Variants in STAC observed in about 807,000 individuals in gnomAD.
STAC encodes the protein SH3 and cysteine rich domain, also known as SH3 and cysteine-rich domain-containing protein.
In STAC, 43 loss-of-function variants were observed where a neutral mutation model predicts 48.8. That is an observed-to-expected ratio of 0.88 (90% confidence interval 0.69 to 1.14). The LOEUF is 1.14. Ranked by LOEUF, STAC falls within the 50% of genes most tolerant of loss-of-function variation. The probability of loss-of-function intolerance (pLI) is 0.00; values close to 1 mark genes in which losing one functional copy is unlikely to be tolerated. For synonymous variants in STAC, 193 were observed against 179.5 expected (o/e 1.07, Z -0.60); for missense variants, 497 against 504.0 (o/e 0.99, Z 0.13).
At chr3:36,497,212 G>A (rs1159981294) in intron 6 of STAC, among the ~76,000 whole-genome samples, 4 of 152,188 alleles carry the variant, frequency 2.6e-5, no homozygotes, top group Non-Finnish European at 5.9e-5. Context: ...TTTGTGGTAT[G>A]TTTCTGCAAC....
rs968122985 is a variant in STAC, at chr3:36,536,635, C to T, written c.1110+7650C>T. On this transcript the variant is annotated intron_variant, in intron 10 of 10. Coordinates refer to ENST00000273183, the MANE Select transcript of STAC (RefSeq NM_003149.3). ...ATAGGCACAGGCAAAGACTTCCTGACGAAAACATCAAAAGCAATTGCAACA... is the reference window on the plus strand; with the variant it reads ...ATAGGCACAGGCAAAGACTTCCTGATGAAAACATCAAAAGCAATTGCAACA... 5.9e-5 allele frequency among the ~76,000 whole-genome samples: 9 copies of T among 151,876 alleles called. No individual in the cohort carries two copies. The East Asian group carries it at 7.7e-4, about 13-fold the overall frequency.
intron 2 of STAC, among the ~76,000 whole-genome samples, chr3:36,448,760 AAG>A (rs1371560484): frequency 6.6e-6 from 1 of 152,048 alleles, no homozygotes; most frequent in East Asian, 1.9e-4. Context: ...AAACACTAAA[AAG>A]AGGAGTTTCT....
At chr3:36,401,605 AC>A (rs1700000323) in intron 1 of STAC, among the ~76,000 whole-genome samples, 1 of 152,174 alleles carries the variant, frequency 6.6e-6, no homozygotes, top group African/African-American at 2.4e-5. Context: ...GCACCTGGGA[AC>A]CTGCTTCCTC....
intron 3 of STAC, among the ~76,000 whole-genome samples, chr3:36,483,488 G>A (rs1697711756): frequency 6.6e-6 from 1 of 152,100 alleles, no homozygotes; most frequent in African/African-American, 2.4e-5. Flanking sequence ...TCAGCTCAGT[G>A]GGTAGCAAGA....
chr3:36,453,626 A>AGGAGGCTAGGG (rs1553636173), intron 2 of STAC, among the ~76,000 whole-genome samples: 3 of 99,312 alleles, frequency 3.0e-5, no homozygotes, highest in South Asian at 2.7e-4. Context: ...CTCCCTGACG[A>AGGAGGCTAGGG]GCGCCGCCCC....
chr3:36,413,771 A>G (rs148541794), intron 1 of STAC, among the ~76,000 whole-genome samples: 3,522 of 152,250 alleles, frequency 0.023, 58 homozygotes, highest in Non-Finnish European at 0.026. Flanking sequence ...TCCTAGCATC[A>G]ATAGTCTTTA....
Position 36,546,485 on chromosome 3 carries a change from C to A in STAC, c.*196C>A. ...CCACTGCACAGCATATCCAGGCTGC[C>A]ACAGGTGGGGACGAGGCTGAGAGAG... On this transcript the variant is annotated 3_prime_UTR_variant, in exon 11 of 11. Coordinates refer to ENST00000273183, the MANE Select transcript of STAC (RefSeq NM_003149.3). 1 of 581,658 alleles carries A rather than the reference C, an allele frequency of 1.7e-6. No homozygotes were observed. Among genetic ancestry groups the A allele is most frequent in the Non-Finnish European group, 3.0e-6 (1 of 327,962 alleles). The allele number at this position is 581,658 out of a possible 1,614,324, so 36.0% of individuals were successfully genotyped here.
At chr3:36,419,016 C>T (rs1700385862) in intron 1 of STAC, among the ~76,000 whole-genome samples, 1 of 144,496 alleles carries the variant, frequency 6.9e-6, no homozygotes, top group Non-Finnish European at 1.5e-5. Context: ...CATTGCACTC[C>T]AGCCTGGGCA....
chr3:36,426,220 A>C (rs1575190583), intron 1 of STAC, among the ~76,000 whole-genome samples: 1 of 152,294 alleles, frequency 6.6e-6, no homozygotes, highest in East Asian at 1.9e-4. Context: ...ACTTGATATA[A>C]TCTAACTCTA....
intron 1 of STAC, among the ~76,000 whole-genome samples, chr3:36,422,146 C>T (rs1471876452): frequency 7.1e-6 from 1 of 141,758 alleles, no homozygotes; most frequent in East Asian, 2.0e-4. Context: ...AAAGAGTTTC[C>T]CAAGATCTAC....
At chr3:36,483,392 G>A (rs1327982329) in intron 3 of STAC, among the ~76,000 whole-genome samples, 1 of 152,198 alleles carries the variant, frequency 6.6e-6, no homozygotes, top group Non-Finnish European at 1.5e-5. Context: ...GTCTGTTCAG[G>A]TTTTAAAAGT....
intron 2 of STAC, among the ~76,000 whole-genome samples, chr3:36,452,226 A>C (rs1331423029): frequency 1.3e-5 from 2 of 152,144 alleles, no homozygotes; most frequent in Non-Finnish European, 2.9e-5. Flanking sequence ...ATTTCAGCAT[A>C]TTTTTAAAAT....
chr3:36,472,698 T>C (rs1322498438), intron 2 of STAC, among the ~76,000 whole-genome samples: 3 of 152,272 alleles, frequency 2.0e-5, no homozygotes, highest in African/African-American at 7.2e-5. Flanking sequence ...ATAACAAAAG[T>C]CACCTTTGCT....
intron 2 of STAC, among the ~76,000 whole-genome samples, chr3:36,478,010 A>C (rs1697537827): frequency 3.9e-5 from 6 of 152,220 alleles, no homozygotes; most frequent in Admixed American, 3.9e-4. Flanking sequence ...GTCTCGTCCC[A>C]GATTCGCGTC....
intron 2 of STAC, among the ~76,000 whole-genome samples, chr3:36,446,680 G>T (rs1053204684): frequency 1.3e-5 from 2 of 152,172 alleles, no homozygotes; most frequent in Non-Finnish European, 2.9e-5. Context: ...CTCAATGCAT[G>T]AGTCTACTTC....
At position 36,514,305 on chromosome 3, in the gene STAC, C is replaced by T. The variant is rs369562436; in HGVS notation, c.920+8471C>T. 2.0e-5 allele frequency among the ~76,000 whole-genome samples: 3 copies of T among 146,816 alleles called. No homozygotes were observed. In the East Asian group the frequency reaches 6.2e-4, roughly 30 times the overall value. On this transcript the variant is annotated intron_variant, in intron 8 of 10. Transcript: ENST00000273183. ...TGCAGAGTCTGCTTCTCCCTCCATC[C>T]TCCTACCCACAACCATCAAACACAC...
At chr3:36,433,999 C>T (rs1700767964) in intron 1 of STAC, among the ~76,000 whole-genome samples, 3 of 152,176 alleles carry the variant, frequency 2.0e-5, no homozygotes, top group African/African-American at 7.2e-5. Context: ...AGAAATCAAG[C>T]TGTGAGTGGG....
chr3:36,380,649 C>G lies in STAC; in HGVS notation c.6C>G (p.Ile2Met), dbSNP rs772677346. Residue 2 changes from isoleucine to methionine, a missense_variant, in exon 1 of 11, where the codon ATC becomes ATG. By Grantham distance (10) the Ile-to-Met change is conservative. Coordinates refer to ENST00000273183, the MANE Select transcript of STAC (RefSeq NM_003149.3). M[I>M]PPSSPREDGV... ...ACCGTTCCCGCGCGGCCACGATGAT[C>G]CCTCCGAGCAGCCCCCGCGAGGACG... 2 of 1,590,674 alleles carry G rather than the reference C, an allele frequency of 1.3e-6. No homozygotes were observed. The highest frequency in any genetic ancestry group is 1.7e-6 in the Non-Finnish European group (2 of 1,168,518).
At chr3:36,442,398 GA>G (rs1218683123) in intron 1 of STAC, among the ~76,000 whole-genome samples, 1 of 152,158 alleles carries the variant, frequency 6.6e-6, no homozygotes, top group Non-Finnish European at 1.5e-5. Context: ...GTTGCTGGGT[GA>G]AAAGAAAAAC....
Sources: gnomAD v4.1 joint callset for allele counts (sites outside exome capture counted in the v4.1 genomes callset) on GRCh38, gnomAD v4.1.1 for gene constraint, MANE v1.5 for transcripts, NCBI Gene and HGNC (gene_info 2026-07-23, HGNC 2026-07-21) for gene names.